Variants in MACF1 observed in about 807,000 individuals in gnomAD.
MACF1 encodes the protein microtubule actin crosslinking factor 1, also known as microtubule-actin cross-linking factor 1.
In MACF1, 193 loss-of-function variants were observed where a neutral mutation model predicts 854.8. The ratio of observed to expected loss-of-function variants is 0.23; its 90% CI spans 0.20 to 0.25. The LOEUF is 0.25. Ranked by LOEUF, MACF1 falls within the 10% of genes least tolerant of loss-of-function variation. The probability of loss-of-function intolerance (pLI) is 1.00; values close to 1 mark genes in which losing one functional copy is unlikely to be tolerated. For synonymous variants in MACF1, 3,185 were observed against 3,226.7 expected, an observed-to-expected ratio of 0.99 and a Z score of 0.44; for missense variants, 7,722 against 8,929.1, an observed-to-expected ratio of 0.86 and a Z score of 5.45.
intron 45 of MACF1, among the ~76,000 whole-genome samples, chr1:39,358,253 A>G (rs1466072166): frequency 6.6e-6 from 1 of 152,168 alleles, no homozygotes; most frequent in Non-Finnish European, 1.5e-5. Flanking sequence ...TTCTGTCTTT[A>G]TTTCACAGAG....
chr1:39,323,420 C>A (rs1375906972), intron 33 of MACF1, among the ~76,000 whole-genome samples: 1 of 151,140 alleles, frequency 6.6e-6, no homozygotes, highest in Non-Finnish European at 1.5e-5. Context: ...TTTAAACCAG[C>A]AAAATATATG....
At chr1:39,182,064 TCGCTTG>T (rs1644110984) in intron 2 of MACF1, among the ~76,000 whole-genome samples, 2 of 150,744 alleles carry the variant, frequency 1.3e-5, no homozygotes, top group Non-Finnish European at 2.9e-5. Flanking sequence ...GGCAGGAGAA[TCGCTTG>T]AACCCGGGAG....
Position 39,230,659 on chromosome 1 carries a change from G to A in MACF1, c.110-523G>A, listed in dbSNP as rs565272457. Among the ~76,000 whole-genome samples, 45 of 152,268 alleles carry A rather than the reference G, an allele frequency of 3.0e-4. No individual in the cohort carries two copies. In the South Asian group the frequency reaches 6.2e-3, roughly 21 times the overall value. ...AAGGTAGAGAGGGAAGAGATGTGCA[G>A]TGGGGGTAAGCTGGGCAGCTTTGAG... On this transcript the variant is annotated intron_variant, in intron 1 of 100. Coordinates refer to ENST00000564288, the MANE Select transcript of MACF1 (RefSeq NM_001394062.1).
chr1:39,394,848 G>A (rs1400518514), intron 58 of MACF1, among the ~76,000 whole-genome samples: 1 of 152,126 alleles, frequency 6.6e-6, no homozygotes, highest in Non-Finnish European at 1.5e-5. Context: ...GGTATGACCT[G>A]TCTGTCACCT....
chr1:39,131,150 C>CAT (rs1642992482), intron 2 of MACF1, among the ~76,000 whole-genome samples: 1 of 96,132 alleles, frequency 1.0e-5, no homozygotes, highest in Non-Finnish European at 2.1e-5. Flanking sequence ...CTGCGCCCGG[C>CAT]CTTTTTTTTT....
At chr1:39,165,040 A>G (rs886806729) in intron 2 of MACF1, among the ~76,000 whole-genome samples, 7 of 152,196 alleles carry the variant, frequency 4.6e-5, no homozygotes, top group African/African-American at 1.7e-4. Context: ...GTAGCTGATG[A>G]TAGACTGGGG....
chr1:39,125,349 C>A (rs992401345), intron 2 of MACF1, among the ~76,000 whole-genome samples: 2 of 152,224 alleles, frequency 1.3e-5, no homozygotes, highest in African/African-American at 4.8e-5. Flanking sequence ...GGGCAACTTA[C>A]TTAACCTTTC....
chr1:39,285,111 T>A lies in MACF1; in HGVS notation c.1160T>A (p.Leu387Gln), dbSNP rs576521359. ...EVWIEFGRIK[L>Q]PQGYHPNDVE... ...TGGATTGAATTTGGCCGAATTAAAC[T>A]GCCTCAAGGTTATCACCCTAATGAT... is the stretch of plus-strand genomic sequence containing the variant. Residue 387 changes from leucine to glutamine, a missense_variant, in exon 12 of 101, where the codon CTG becomes CAG. By Grantham distance (113) the Leu-to-Gln change is moderately radical. Transcript: ENST00000564288. 6.2e-7 allele frequency: 1 copy of A among 1,614,198 alleles called. No homozygotes were observed. Among genetic ancestry groups the A allele is most frequent in the South Asian group, 1.1e-5 (1 of 91,086 alleles).
intron 1 of MACF1, among the ~76,000 whole-genome samples, chr1:39,217,835 T>A (rs1644595602): frequency 7.0e-6 from 1 of 143,868 alleles, no homozygotes; most frequent in African/African-American, 2.6e-5. Flanking sequence ...GAGATTTCAG[T>A]GAGCCGGGAT....
At chr1:39,166,041 G>A (rs1557492888) in intron 2 of MACF1, among the ~76,000 whole-genome samples, 1 of 149,514 alleles carries the variant, frequency 6.7e-6, no homozygotes, top group East Asian at 2.0e-4. Context: ...GCCCCATATA[G>A]TTTAGTGGGG....
At chr1:39,113,381 A>G (rs998720490) in intron 2 of MACF1, among the ~76,000 whole-genome samples, 6 of 152,202 alleles carry the variant, frequency 3.9e-5, no homozygotes, top group African/African-American at 1.4e-4. Context: ...ATAAACTCCA[A>G]AAAACACTTC....
intron 2 of MACF1, among the ~76,000 whole-genome samples, chr1:39,126,895 C>T (rs1177292758): frequency 6.6e-6 from 1 of 152,124 alleles, no homozygotes; most frequent in Non-Finnish European, 1.5e-5. Flanking sequence ...TTTCTTTGGT[C>T]TTTTAAGATT....
Position 39,402,362 on chromosome 1 carries a change from T to C in MACF1, c.15816+13704T>C, listed in dbSNP as rs146796999. ...ATCACTTTCTCAGGGAAACCTACCC[T>C]GAGCTTCCAGGCCAGGTTGAGGCCC... On this transcript the variant is annotated intron_variant, in intron 58 of 100. Transcript: ENST00000564288. 6.6e-5 allele frequency among the ~76,000 whole-genome samples: 10 copies of C among 152,314 alleles called. No homozygotes were observed. The East Asian group carries it at 1.9e-3, about 29-fold the overall frequency.
intron 2 of MACF1, 168 bp from the exon 3 acceptor site, chr1:39,249,846 T>G (rs1197146840): frequency 9.9e-6 from 5 of 504,814 alleles, no homozygotes; most frequent in Admixed American, 7.2e-5. Context: ...TATTATCATT[T>G]CACATGTATT....
chr1:39,477,090 T>TATACACAC (rs1350608847), intron 97 of MACF1, among the ~76,000 whole-genome samples: 3 of 26,252 alleles, frequency 1.1e-4, no homozygotes, highest in Non-Finnish European at 1.4e-4. Context: ...TATATATATA[T>TATACACAC]ACACACACAC....
chr1:39,455,173 A>G (rs977060229), intron 89 of MACF1, 76 bp downstream of exon 89: 5 of 1,382,334 alleles, frequency 3.6e-6, no homozygotes, highest in Non-Finnish European at 4.0e-6. Context: ...CCCTGTGTAT[A>G]TGTTTTTAAA....
chr1:39,136,719 A>G (rs978804777), intron 2 of MACF1, among the ~76,000 whole-genome samples: 1 of 152,206 alleles, frequency 6.6e-6, no homozygotes, highest in African/African-American at 2.4e-5. Flanking sequence ...TCTATATTAA[A>G]TTAATAAAGA....
intron 26 of MACF1, among the ~76,000 whole-genome samples, chr1:39,312,274 A>G (rs1309395885): frequency 6.6e-6 from 1 of 152,144 alleles, no homozygotes; most frequent in Non-Finnish European, 1.5e-5. Flanking sequence ...TTAAAACTTT[A>G]TTTTAAAATA....
At chr1:39,239,263 A>G (rs1644894017) in intron 2 of MACF1, among the ~76,000 whole-genome samples, 3 of 150,524 alleles carry the variant, frequency 2.0e-5, no homozygotes, top group Middle Eastern at 3.4e-3. Flanking sequence ...CGTGGGTGAC[A>G]GAGCGAGACT....
Sources: allele counts gnomAD v4.1 joint callset (sites outside exome capture counted in the v4.1 genomes callset), GRCh38; gene constraint gnomAD v4.1.1; transcripts MANE v1.5; gene names NCBI Gene and HGNC (gene_info 2026-07-23, HGNC 2026-07-21).